Variants in CDC26 observed in about 807,000 individuals in gnomAD.
The protein encoded by CDC26 is cell division cycle 26, also known as anaphase-promoting complex subunit CDC26.
Under a neutral mutation model 8.0 loss-of-function variants are expected in CDC26, and 2 were observed. That is an observed-to-expected ratio of 0.25 (90% CI 0.10 to 0.79). The LOEUF (loss-of-function observed/expected upper bound fraction) is 0.79, where lower values mean the gene tolerates loss of function less well. CDC26 is among the 30% of genes least tolerant of loss of function. CDC26 has a pLI of 0.70. For missense variants in CDC26, 68 were observed against 106.0 expected (o/e 0.64, Z 1.57); for synonymous variants, 19 against 34.9 (o/e 0.55, Z 1.60).
chr9:113,268,567 T>C (rs1463309067), intron 3 of CDC26, among the ~76,000 whole-genome samples: 1 of 152,220 alleles, frequency 6.6e-6, no homozygotes, highest in Non-Finnish European at 1.5e-5. Context: ...GCTACTCAAA[T>C]CACTGGAATT....
chr9:113,271,461 CACAG>C (rs932800861), intron 3 of CDC26, among the ~76,000 whole-genome samples: 7 of 152,156 alleles, frequency 4.6e-5, no homozygotes, highest in African/African-American at 1.7e-4. Flanking sequence ...AGGAAGTTTT[CACAG>C]ACAGAAAAGA....
intron 1 of CDC26, among the ~76,000 whole-genome samples, chr9:113,274,698 C>T (rs1196832807): frequency 2.0e-5 from 3 of 152,238 alleles, no homozygotes; most frequent in African/African-American, 7.2e-5. Context: ...TCATTTCTCA[C>T]TAGACCTTAG....
Position 113,267,287 on chromosome 9 carries a change from A to G in CDC26, c.234T>C (p.Ser78=). 6.5e-7 allele frequency: 1 copy of G among 1,537,634 alleles called. No individual in the cohort carries two copies. Among genetic ancestry groups the G allele is most frequent in the African/African-American group, 1.4e-5 (1 of 71,494 alleles). The change falls in exon 4 of 4, where the codon TCT becomes TCC. Residue 78 remains serine, a synonymous_variant. Transcript: ENST00000374206. ...TCTAAAATTCAAGACTTCCAAATTG[A>G]GATGAACGATTATTGGGCTTGGGTT... ...KPQPKPNNRS[S]QFGSLEF
chr9:113,272,400 C>A (rs1564232628), intron 3 of CDC26, 27 bp downstream of exon 3: 1 of 1,567,582 alleles, frequency 6.4e-7, no homozygotes. Flanking sequence ...GACTCCATCT[C>A]AAAAAAACAC....
At chr9:113,269,065 T>G (rs1395156931) in intron 3 of CDC26, among the ~76,000 whole-genome samples, 2 of 151,946 alleles carry the variant, frequency 1.3e-5, no homozygotes, top group African/African-American at 4.8e-5. Context: ...ACAAAAAAAT[T>G]TAAAAATTAG....
chr9:113,268,226 G>T (rs1325090445), intron 3 of CDC26, among the ~76,000 whole-genome samples: 1 of 152,078 alleles, frequency 6.6e-6, no homozygotes, highest in African/African-American at 2.4e-5. Context: ...TTATTCTAGA[G>T]AATAGAAAAA....
At chr9:113,274,919 C>CT (rs1832033094) in intron 1 of CDC26, among the ~76,000 whole-genome samples, 1 of 152,140 alleles carries the variant, frequency 6.6e-6, no homozygotes, top group African/African-American at 2.4e-5. Flanking sequence ...GGATAAAAAC[C>CT]TTATCCTGTT....
At chr9:113,271,033 A>T (rs1831948373) in intron 3 of CDC26, among the ~76,000 whole-genome samples, 1 of 152,214 alleles carries the variant, frequency 6.6e-6, no homozygotes, top group Non-Finnish European at 1.5e-5. Context: ...GTAACAGTGG[A>T]GATGAAAAGG....
rs570488029 is a variant in CDC26 at position 113,267,954 on chromosome 9, T to G, written c.82-515A>C. On this transcript the variant is annotated intron_variant, in intron 3 of 3. Coordinates refer to ENST00000374206, the MANE Select transcript of CDC26 (RefSeq NM_139286.4). ...GAGAGCTGAGATGGTGCCACTGCACTCCAGCCTGGCGACAGAGCGAGACTC... is the reference window on the plus strand; with the variant it reads ...GAGAGCTGAGATGGTGCCACTGCACGCCAGCCTGGCGACAGAGCGAGACTC... Among the ~76,000 whole-genome samples the G allele has an allele frequency of 5.9e-5, 9 of 152,154 alleles. No homozygotes were observed. In the South Asian group the frequency reaches 1.0e-3, roughly 18 times the overall value.
chr9:113,274,144 A>G (rs1056400448), intron 1 of CDC26, among the ~76,000 whole-genome samples: 2 of 152,206 alleles, frequency 1.3e-5, no homozygotes, highest in Non-Finnish European at 2.9e-5. Context: ...AATGATTCCT[A>G]TTTCACACAT....
In CDC26 at chr9:113,273,558, A is replaced by T. The variant is rs1588003665; in HGVS notation, c.-151-120T>A. ...TGGGCTGAGTGTGGGGTGGACAAGG[A>T]TGTCAGGCAAGCCTTCCTGGAGAAA... On this transcript the variant is annotated intron_variant, in intron 1 of 3. Transcript: ENST00000374206. The T allele has an allele frequency of 2.0e-5, 3 of 152,348 alleles. No homozygotes were observed. The East Asian group carries it at 5.8e-4, about 29-fold the overall frequency. The allele number at this position is 152,348 out of a possible 1,614,324, so 9.4% of individuals were successfully genotyped here.
intron 3 of CDC26, among the ~76,000 whole-genome samples, chr9:113,267,709 C>T (rs147644012): frequency 8.5e-5 from 13 of 152,116 alleles, no homozygotes; most frequent in Admixed American, 3.9e-4. Context: ...AAAAATTTGG[C>T]GGGGCACGGT....
chr9:113,267,509 A>G, intron 3 of CDC26, 70 bp from the exon 4 acceptor site: 1 of 1,525,934 alleles, frequency 6.6e-7, no homozygotes, highest in South Asian at 1.3e-5. Context: ...TAGAACACCT[A>G]CCATGTACTA....
At chr9:113,268,851 T>C (rs1476053178) in intron 3 of CDC26, among the ~76,000 whole-genome samples, 1 of 152,076 alleles carries the variant, frequency 6.6e-6, no homozygotes, top group African/African-American at 2.4e-5. Context: ...GCCTCCTGGG[T>C]TCAAGCGATT....
At chr9:113,269,759 A>G (rs1831925424) in intron 3 of CDC26, among the ~76,000 whole-genome samples, 1 of 152,280 alleles carries the variant, frequency 6.6e-6, no homozygotes, top group Non-Finnish European at 1.5e-5. Flanking sequence ...AGCAAAAATT[A>G]CGATACTTAG....
chr9:113,273,866 C>T (rs963731276), intron 1 of CDC26, among the ~76,000 whole-genome samples: 2 of 147,546 alleles, frequency 1.4e-5, no homozygotes, highest in Admixed American at 1.4e-4. Flanking sequence ...GAGCATTCCA[C>T]AGCCTGAAAT....
intron 3 of CDC26, among the ~76,000 whole-genome samples, chr9:113,269,377 C>T (rs886173711): frequency 1.2e-4 from 19 of 152,118 alleles, no homozygotes; most frequent in Admixed American, 7.9e-4. Flanking sequence ...AAAACAAGTT[C>T]GAAAAGGCAA....
chr9:113,270,880 G>A (rs1423407688), intron 3 of CDC26, among the ~76,000 whole-genome samples: 2 of 152,182 alleles, frequency 1.3e-5, no homozygotes, highest in Non-Finnish European at 2.9e-5. Context: ...GTTTTAAACG[G>A]GAATGACAGG....
intron 3 of CDC26, among the ~76,000 whole-genome samples, chr9:113,270,649 G>A (rs957799534): frequency 1.3e-5 from 2 of 152,158 alleles, no homozygotes; most frequent in Non-Finnish European, 2.9e-5. Flanking sequence ...GGAAGAAAGG[G>A]AGCACTCCAG....
Sources: allele counts gnomAD v4.1 joint callset (sites outside exome capture counted in the v4.1 genomes callset), GRCh38; gene constraint gnomAD v4.1.1; transcripts MANE v1.5; gene names NCBI Gene and HGNC (gene_info 2026-07-23, HGNC 2026-07-21).